The following STK35 variants were observed in gnomAD, a reference collection of about 807,000 sequenced individuals.
The protein encoded by STK35 is serine/threonine-protein kinase 35.
STK35 carries 17 observed loss-of-function variants against 37.3 expected under a neutral mutation model. That is an observed-to-expected ratio of 0.46 (90% CI 0.31 to 0.68). The LOEUF (loss-of-function observed/expected upper bound fraction) is 0.68. Ranked by LOEUF, STK35 falls within the 30% of genes least tolerant of loss-of-function variation. The pLI is 0.05. For synonymous variants in STK35, 385 were observed against 319.1 expected (o/e 1.21, Z -2.20); for missense variants, 595 against 746.7 (o/e 0.80, Z 2.37).
intron 2 of STK35, among the ~76,000 whole-genome samples, chr20:2,107,728 G>A (rs1016807655): frequency 6.6e-6 from 1 of 152,110 alleles, no homozygotes; most frequent in African/African-American, 2.4e-5. Flanking sequence ...CGAGTGCCTA[G>A]GGAACCTTCA....
At chr20:2,138,638 A>G (rs997795137) in intron 3 of STK35, among the ~76,000 whole-genome samples, 1 of 152,158 alleles carries the variant, frequency 6.6e-6, no homozygotes, top group Non-Finnish European at 1.5e-5. Context: ...AGATGGTGCA[A>G]TTTTAAAAAC....
rs765930385 is a variant in STK35, at chr20:2,103,187, C to T, written c.714C>T (p.Pro238=). Reference sequence around the variant, plus strand: ...TCAAGAAGATCCGCTGCGACGCCCCCGAGAACGTGGAGCTGGCGCTGGCTG... The same window carrying T: ...TCAAGAAGATCCGCTGCGACGCCCCTGAGAACGTGGAGCTGGCGCTGGCTG... ...VAVKKIRCDA[P]ENVELALAEF... is the part of the protein sequence containing the mutation. Residue 238 remains proline, a synonymous_variant, in exon 2 of 4, where the codon CCC becomes CCT. Coordinates refer to ENST00000381482, the MANE Select transcript of STK35 (RefSeq NM_080836.4). The T allele has an allele frequency of 2.6e-5, 42 of 1,608,970 alleles. No individual in the cohort carries two copies. Among genetic ancestry groups the T allele is most frequent in the Non-Finnish European group, 3.5e-5 (41 of 1,179,320 alleles).
At chr20:2,127,942 T>C (rs1600613817) in intron 3 of STK35, among the ~76,000 whole-genome samples, 1 of 152,218 alleles carries the variant, frequency 6.6e-6, no homozygotes, top group African/African-American at 2.4e-5. Flanking sequence ...ATGTCATGAG[T>C]AAGAAGTGTT....
chr20:2,130,895 A>G (rs571679729), intron 3 of STK35, among the ~76,000 whole-genome samples: 4 of 152,198 alleles, frequency 2.6e-5, no homozygotes, highest in African/African-American at 7.2e-5. Flanking sequence ...TTGAATGACA[A>G]TAGAGGGCGT....
At chr20:2,128,232 G>A (rs909033462) in intron 3 of STK35, among the ~76,000 whole-genome samples, 15 of 152,212 alleles carry the variant, frequency 9.9e-5, no homozygotes, top group Admixed American at 8.5e-4. Context: ...GGGTAAATGT[G>A]CAGTCAGCCA....
chr20:2,117,022 G>A lies in STK35; in HGVS notation c.1249G>A (p.Gly417Ser). The change falls in exon 3 of 4, where the codon GGT (glycine) becomes AGT (serine). Residue 417 changes from glycine to serine, a missense_variant. Gly to Ser is a moderately conservative substitution (Grantham distance 56). Around this residue, in one of 3 missense-constraint regions of STK35, gnomAD observed 109 missense variants for 280.3 expected, o/e 0.39. Transcript: ENST00000381482. The surrounding 1 kb of genome is among the most constrained non-coding windows in gnomAD (Gnocchi z 4.4). ...VNKYWLSSAC[G>S]SDFYMAPEVW... Reference sequence around the variant, plus strand: ...TAAGTACTGGCTGTCCTCAGCCTGCGGTTCGGACTTCTACATGGCTCCTGA... The same window carrying A: ...TAAGTACTGGCTGTCCTCAGCCTGCAGTTCGGACTTCTACATGGCTCCTGA... The A allele has an allele frequency of 1.2e-6, 2 of 1,614,196 alleles. No homozygotes were observed. The highest frequency in any genetic ancestry group is 8.5e-7 in the Non-Finnish European group (1 of 1,180,034).
chr20:2,131,154 C>T (rs554179818), intron 3 of STK35, among the ~76,000 whole-genome samples: 23 of 152,292 alleles, frequency 1.5e-4, no homozygotes, highest in African/African-American at 5.5e-4. Flanking sequence ...GGTATAGCCT[C>T]CTATACACCT....
At chr20:2,107,045 A>T (rs923440342) in intron 2 of STK35, among the ~76,000 whole-genome samples, 3 of 152,212 alleles carry the variant, frequency 2.0e-5, no homozygotes, top group Non-Finnish European at 4.4e-5. Flanking sequence ...TTAACTTTGA[A>T]ATACTTCTCA....
intron 3 of STK35, among the ~76,000 whole-genome samples, chr20:2,119,614 T>C (rs1459064787): frequency 1.3e-5 from 2 of 152,246 alleles, no homozygotes; most frequent in Non-Finnish European, 2.9e-5. Flanking sequence ...CCCCAGATCC[T>C]ACTAAGTTAA....
At chr20:2,131,903 A>T (rs1036895749) in intron 3 of STK35, among the ~76,000 whole-genome samples, 31 of 151,774 alleles carry the variant, frequency 2.0e-4, no homozygotes, top group Non-Finnish European at 4.3e-4. Flanking sequence ...TCATATCCTT[A>T]TTCTGTATAC....
rs570340680 is a variant in STK35 at position 2,120,682 on chromosome 20, C to G, written c.*37+3267C>G. Among the ~76,000 whole-genome samples the G allele has an allele frequency of 2.2e-4, 34 of 152,324 alleles. 1 individual carries two copies. Among genetic ancestry groups the G allele is most frequent in the Middle Eastern group, 3.4e-3 (1 of 294 alleles). ...GACAAGCTAATTTCATTTATTCATTCAACATGTTCTTTGGAAACTCTTTCC... is the reference window on the plus strand; with the variant it reads ...GACAAGCTAATTTCATTTATTCATTGAACATGTTCTTTGGAAACTCTTTCC... On this transcript the variant is annotated intron_variant, in intron 3 of 3. Transcript: ENST00000381482.
intron 3 of STK35, among the ~76,000 whole-genome samples, chr20:2,119,306 A>C (rs182680742): frequency 3.9e-5 from 6 of 152,346 alleles, no homozygotes; most frequent in Admixed American, 2.6e-4. Flanking sequence ...CAGATAGACC[A>C]ACCTCTGCGA....
chr20:2,103,153 G>A lies in STK35; in HGVS notation c.680G>A (p.Arg227Gln). ...YEAVAGRSGA[R>Q]VAVKKIRCDA... ...GCAGTGGCCGGGCGCAGCGGGGCCCGGGTGGCGGTCAAGAAGATCCGCTGC... is the reference window on the plus strand; with the variant it reads ...GCAGTGGCCGGGCGCAGCGGGGCCCAGGTGGCGGTCAAGAAGATCCGCTGC... Residue 227 changes from arginine (R) to glutamine (Q), a missense_variant, in exon 2 of 4, where the codon CGG (arginine) becomes CAG (glutamine). Arg to Gln is a conservative substitution (Grantham distance 43). Coordinates refer to ENST00000381482, the MANE Select transcript of STK35 (RefSeq NM_080836.4). 6.2e-7 allele frequency: 1 copy of A among 1,606,058 alleles called. No individual in the cohort carries two copies. The highest frequency in any genetic ancestry group is 8.5e-7 in the Non-Finnish European group (1 of 1,179,148).
intron 3 of STK35, among the ~76,000 whole-genome samples, chr20:2,139,218 T>C (rs993260678): frequency 2.6e-5 from 4 of 152,166 alleles, no homozygotes; most frequent in African/African-American, 7.2e-5. Context: ...TCTCCCAGGC[T>C]TCTGTTCTCC....
chr20:2,138,455 G>A (rs1174697363), intron 3 of STK35, among the ~76,000 whole-genome samples: 1 of 152,184 alleles, frequency 6.6e-6, no homozygotes, highest in Non-Finnish European at 1.5e-5. Context: ...CCCTGAAGAG[G>A]AAAGAGTTCC....
rs117103558 is a variant in STK35 at position 2,125,858 on chromosome 20, T to C, written c.*37+8443T>C. ...CCAAAAGTTTGGAAAGTAGGAGATC[T>C]AAAGCACACCTCCACCCACCGGCAG... is the stretch of plus-strand genomic sequence containing the variant. On this transcript the variant is annotated intron_variant, in intron 3 of 3. Transcript: ENST00000381482. Among the ~76,000 whole-genome samples, 390 of 152,286 alleles carry C rather than the reference T, an allele frequency of 2.6e-3. 11 individuals carry two copies. The East Asian group carries it at 0.062, about 24-fold the overall frequency.
At chr20:2,136,181 A>G (rs1407467184) in intron 3 of STK35, among the ~76,000 whole-genome samples, 2 of 152,190 alleles carry the variant, frequency 1.3e-5, no homozygotes, top group Non-Finnish European at 1.5e-5. Flanking sequence ...AAACAGATGT[A>G]TTTGCCAAAG....
chr20:2,105,238 T>C (rs1313376646), intron 2 of STK35, among the ~76,000 whole-genome samples: 1 of 152,180 alleles, frequency 6.6e-6, no homozygotes, highest in African/African-American at 2.4e-5. Context: ...TTGAAGTCTT[T>C]CTATTCTCAG....
chr20:2,135,164 G>A (rs994087766), intron 3 of STK35, among the ~76,000 whole-genome samples: 3 of 152,236 alleles, frequency 2.0e-5, no homozygotes, highest in African/African-American at 7.2e-5. Context: ...GTTCCTCTTA[G>A]TAGGTTGCCT....
Sources: gnomAD v4.1 joint callset for allele counts (sites outside exome capture counted in the v4.1 genomes callset) on GRCh38, gnomAD v4.1.1 for gene constraint, gnomAD v4.1.1 regional missense constraint, Gnocchi (gnomAD v3.1) non-coding constraint, MANE v1.5 for transcripts, NCBI Gene and HGNC (gene_info 2026-07-23, HGNC 2026-07-21) for gene names.